CCDC3: variants seen among roughly 807,000 people sequenced by gnomAD.
CCDC3 encodes coiled-coil domain-containing protein 3.
Under a neutral mutation model 21.4 loss-of-function variants are expected in CCDC3, and 24 were observed. The ratio of observed to expected loss-of-function variants is 1.12; its 90% confidence interval spans 0.81 to 1.58. The LOEUF (loss-of-function observed/expected upper bound fraction) is 1.58. Ranked by LOEUF, CCDC3 falls within the 40% of genes most tolerant of loss-of-function variation. The pLI, the probability that CCDC3 is intolerant of heterozygous loss-of-function variation, is 0.00. For synonymous variants in CCDC3, 186 were observed against 166.0 expected (o/e 1.12, Z -0.93); for missense variants, 425 against 360.9 (o/e 1.18, Z -1.44).
intron 2 of CCDC3, among the ~76,000 whole-genome samples, chr10:12,987,617 C>T (rs1377398580): frequency 2.0e-5 from 3 of 152,124 alleles, no homozygotes; most frequent in Admixed American, 1.3e-4. Context: ...TATCGAGATG[C>T]AAATTTCTGC....
intron 2 of CCDC3, among the ~76,000 whole-genome samples, chr10:12,929,169 G>A (rs868183304): frequency 6.6e-6 from 1 of 151,452 alleles, no homozygotes; most frequent in South Asian, 2.1e-4. Context: ...GGCTAAGGCA[G>A]GATAATTGCT....
At chr10:12,952,112 C>T (rs983525552) in intron 2 of CCDC3, among the ~76,000 whole-genome samples, 1 of 152,148 alleles carries the variant, frequency 6.6e-6, no homozygotes, top group Non-Finnish European at 1.5e-5. Flanking sequence ...CCAAACTGAT[C>T]GTGCCCAAAT....
At chr10:12,993,512 AG>A (rs1835709045) in intron 2 of CCDC3, among the ~76,000 whole-genome samples, 1 of 152,248 alleles carries the variant, frequency 6.6e-6, no homozygotes, top group East Asian at 1.9e-4. Flanking sequence ...GACTGACATA[AG>A]TATGGGTCAG....
chr10:12,998,051 G>C (rs1835789326), intron 2 of CCDC3, among the ~76,000 whole-genome samples: 1 of 152,180 alleles, frequency 6.6e-6, no homozygotes, highest in Non-Finnish European at 1.5e-5. Flanking sequence ...CTGTTCTGTA[G>C]AAGAGGAAAC....
intron 2 of CCDC3, among the ~76,000 whole-genome samples, chr10:12,904,446 G>A (rs1349242513): frequency 2.0e-5 from 2 of 97,790 alleles, no homozygotes; most frequent in Non-Finnish European, 3.8e-5. Context: ...TCCAGCCTAA[G>A]TTACAGAGCA....
chr10:12,946,033 T>G (rs2131243021), intron 2 of CCDC3, among the ~76,000 whole-genome samples: 1 of 152,344 alleles, frequency 6.6e-6, no homozygotes, highest in South Asian at 2.1e-4. Context: ...CTGTTAGTAC[T>G]ATCCTCCTGA....
At chr10:12,899,839 C>G (rs1232330186) in intron 2 of CCDC3, among the ~76,000 whole-genome samples, 1 of 152,212 alleles carries the variant, frequency 6.6e-6, no homozygotes, top group Non-Finnish European at 1.5e-5. Context: ...GAAGAAGATT[C>G]ATTTTCACTT....
intron 2 of CCDC3, among the ~76,000 whole-genome samples, chr10:12,984,528 T>C (rs1239587180): frequency 2.0e-5 from 3 of 152,170 alleles, no homozygotes; most frequent in Admixed American, 2.0e-4. Context: ...ATAGTTACCA[T>C]CTGACCCAGC....
chr10:12,957,373 G>GT (rs1207192841), intron 2 of CCDC3, among the ~76,000 whole-genome samples: 1 of 152,140 alleles, frequency 6.6e-6, no homozygotes, highest in Non-Finnish European at 1.5e-5. Flanking sequence ...TTTACCAACC[G>GT]TAACTCGTGT....
At chr10:13,019,069 T>C in intron 5 of CCDC3, among the ~76,000 whole-genome samples, 1 of 151,736 alleles carries the variant, frequency 6.6e-6, no homozygotes, top group African/African-American at 2.4e-5. Flanking sequence ...CCGTCTCTAC[T>C]AAAAATACAA....
chr10:12,912,921 C>T (rs1481667570), intron 2 of CCDC3, among the ~76,000 whole-genome samples: 1 of 152,224 alleles, frequency 6.6e-6, no homozygotes, highest in Non-Finnish European at 1.5e-5. Context: ...TGACCATACA[C>T]ATGGATTTAT....
rs745703936 is a variant in CCDC3, at chr10:13,001,181, G to C, written c.374+16C>G. ...GCAGAGAGAGAGAGAGGTGGCGGCG[G>C]CGCCGCCGGGCTCACCTGAGGAAGA... is the stretch of plus-strand genomic sequence containing the variant. On this transcript the variant is annotated intron_variant, in intron 1 of 2. Coordinates refer to ENST00000378825, the MANE Select transcript of CCDC3 (RefSeq NM_031455.4). 31 of 1,544,300 alleles carry C rather than the reference G, an allele frequency of 2.0e-5. No individual in the cohort carries two copies. The highest frequency in any genetic ancestry group is 9.9e-5 in the Admixed American group (5 of 50,382).
chr10:13,079,995 T>A (rs190612515), intron 3 of CCDC3, among the ~76,000 whole-genome samples: 112 of 152,052 alleles, frequency 7.4e-4, no homozygotes, highest in Middle Eastern at 3.4e-3. Context: ...TCAAAGAAAG[T>A]GCTATAAGGG....
chr10:13,065,905 A>G (rs749187980), intron 4 of CCDC3, among the ~76,000 whole-genome samples: 4 of 152,234 alleles, frequency 2.6e-5, no homozygotes, highest in Non-Finnish European at 5.9e-5. Flanking sequence ...ATAGGGCACT[A>G]TAAATGTTTG....
At position 13,001,268 on chromosome 10, in the gene CCDC3, G is replaced by A. The variant is rs1369614390; in HGVS notation, c.303C>T (p.Leu101=). ...LEVPAGSRLN[L]TGLGYFSCHS... ...GGCACGAGAAGTAGCCCAGGCCGGT[G>A]AGGTTGAGCCTGGAGCCGGCGGGCA... The change falls in exon 1 of 3, where the codon CTC becomes CTT. Residue 101 remains leucine (L), a synonymous_variant. Transcript: ENST00000378825. 2.5e-6 allele frequency: 4 copies of A among 1,600,910 alleles called. No homozygotes were observed. Among genetic ancestry groups the A allele is most frequent in the African/African-American group, 1.3e-5 (1 of 74,816 alleles).
chr10:13,073,759 T>A (rs1836915727), intron 4 of CCDC3: 1 of 152,226 alleles, frequency 6.6e-6, no homozygotes, highest in African/African-American at 2.4e-5. Flanking sequence ...GGTGCTGGGA[T>A]TACAGGCATG....
chr10:12,986,567 G>A (rs1589031371), intron 2 of CCDC3, among the ~76,000 whole-genome samples: 2 of 152,184 alleles, frequency 1.3e-5, no homozygotes, highest in African/African-American at 4.8e-5. Flanking sequence ...AAGGTCAGGA[G>A]ATGGAAACCA....
chr10:12,952,819 G>A (rs1345985762), intron 2 of CCDC3, among the ~76,000 whole-genome samples: 2 of 152,116 alleles, frequency 1.3e-5, no homozygotes, highest in Non-Finnish European at 2.9e-5. Context: ...AACCTCTGCT[G>A]AGTAAATGAA....
At chr10:13,083,815 C>T (rs1564343375) in intron 3 of CCDC3, among the ~76,000 whole-genome samples, 1 of 152,220 alleles carries the variant, frequency 6.6e-6, no homozygotes, top group Non-Finnish European at 1.5e-5. Context: ...GACAGAGTAG[C>T]AGGGACAAGC....
Sources: gnomAD v4.1 joint callset for allele counts (sites outside exome capture counted in the v4.1 genomes callset) on GRCh38, gnomAD v4.1.1 for gene constraint, MANE v1.5 for transcripts, NCBI Gene and HGNC (gene_info 2026-07-23, HGNC 2026-07-21) for gene names.